LYPLAL1: variants seen among roughly 807,000 people sequenced by gnomAD.
The protein encoded by LYPLAL1 is lysophospholipase like 1.
Under a neutral mutation model 19.7 loss-of-function variants are expected in LYPLAL1, and 23 were observed. The ratio of observed to expected loss-of-function variants is 1.17; its 90% CI spans 0.84 to 1.65. LYPLAL1 has a LOEUF of 1.65. LYPLAL1 is among the 40% of genes most tolerant of loss of function. LYPLAL1 has a pLI of 0.00. For synonymous variants in LYPLAL1, 119 were observed against 96.3 expected (o/e 1.24, Z -1.38); for missense variants, 355 against 279.4 (o/e 1.27, Z -1.93).
At chr1:219,288,216 A>G in the LYPLAL1 span, among the ~76,000 whole-genome samples, 1 of 152,214 alleles carries the variant, frequency 6.6e-6, no homozygotes, top group Admixed American at 6.5e-5. Context: ...GAAGCAACCA[A>G]GATGTTCTTC....
intron 2 of LYPLAL1, among the ~76,000 whole-genome samples, chr1:219,184,592 G>A (rs1181143131): frequency 2.0e-5 from 3 of 151,728 alleles, no homozygotes; most frequent in African/African-American, 7.3e-5. Flanking sequence ...AGGGTTTTTT[G>A]TATATATGCC....
At chr1:219,184,264 A>G (rs952344745) in intron 2 of LYPLAL1, among the ~76,000 whole-genome samples, 7 of 151,858 alleles carry the variant, frequency 4.6e-5, no homozygotes, top group Admixed American at 6.6e-5. Flanking sequence ...AAATTTATCT[A>G]CAAGTATTCT....
intron 3 of LYPLAL1, among the ~76,000 whole-genome samples, chr1:219,194,266 A>T (rs1039878015): frequency 6.6e-6 from 1 of 151,962 alleles, no homozygotes; most frequent in Admixed American, 6.6e-5. Context: ...TAATAGAGAT[A>T]AACATGGAGC....
Position 219,211,606 on chromosome 1 carries a change from G to C in LYPLAL1, c.592G>C (p.Gly198Arg). Residue 198 changes from glycine (G) to arginine (R), a missense_variant, in exon 5 of 5, where the codon GGA becomes CGA. Coordinates refer to ENST00000366928, the MANE Select transcript of LYPLAL1 (RefSeq NM_138794.5). ...EETNSMLKSL[G>R]VTTKFHSFPN... ...GACAAACTCAATGTTAAAATCTCTA[G>C]GAGTGACCACGAAGTTTCATAGTTT... 6.2e-7 allele frequency: 1 copy of C among 1,613,348 alleles called. No individual in the cohort carries two copies. Among genetic ancestry groups the C allele is most frequent in the Non-Finnish European group, 8.5e-7 (1 of 1,179,520 alleles).
At chr1:219,388,116 C>G in the LYPLAL1 span, among the ~76,000 whole-genome samples, 6 of 152,192 alleles carry the variant, frequency 3.9e-5, no homozygotes, top group African/African-American at 1.4e-4. Flanking sequence ...AGCTCCATAT[C>G]ATGTCTACCT....
At chr1:219,200,615 C>T in intron 3 of LYPLAL1, 1 of 186,090 alleles carries the variant, frequency 5.4e-6, no homozygotes, top group Non-Finnish European at 1.1e-5. Flanking sequence ...GCCTTCAGTG[C>T]TCACAAGATC....
At chr1:219,356,798 A>C in the LYPLAL1 span, among the ~76,000 whole-genome samples, 1 of 152,238 alleles carries the variant, frequency 6.6e-6, no homozygotes, top group Non-Finnish European at 1.5e-5. Context: ...GAACTTTTTA[A>C]AAACTAATTA....
the LYPLAL1 span, among the ~76,000 whole-genome samples, chr1:219,439,542 A>T: frequency 1.3e-5 from 2 of 152,216 alleles, no homozygotes; most frequent in Non-Finnish European, 2.9e-5. Flanking sequence ...CTTTTCAAGG[A>T]AATGTGCAAA....
At chr1:219,245,976 G>C in the LYPLAL1 span, among the ~76,000 whole-genome samples, 1 of 152,140 alleles carries the variant, frequency 6.6e-6, no homozygotes, top group African/African-American at 2.4e-5. Flanking sequence ...TCTGTGTGTC[G>C]GGGGATGTGG....
chr1:219,183,216 T>G (rs1313529103), intron 2 of LYPLAL1, among the ~76,000 whole-genome samples: 1 of 152,106 alleles, frequency 6.6e-6, no homozygotes, highest in East Asian at 1.9e-4. Flanking sequence ...ATGTGCTTAT[T>G]GAGCATTTAA....
At chr1:219,417,196 T>C in the LYPLAL1 span, among the ~76,000 whole-genome samples, 1 of 152,072 alleles carries the variant, frequency 6.6e-6, no homozygotes, top group Non-Finnish European at 1.5e-5. Context: ...CTACATACAT[T>C]ATTTGGAATT....
chr1:219,277,088 A>G, the LYPLAL1 span, among the ~76,000 whole-genome samples: 3 of 152,178 alleles, frequency 2.0e-5, no homozygotes, highest in African/African-American at 7.2e-5. Flanking sequence ...AAACAAATCT[A>G]ATATCTAGAA....
the LYPLAL1 span, among the ~76,000 whole-genome samples, chr1:219,250,050 T>G: frequency 3.3e-5 from 5 of 152,000 alleles, no homozygotes; most frequent in South Asian, 2.1e-4. Context: ...AATTTTCTTG[T>G]TTATGTTTAG....
At chr1:219,370,387 T>C in the LYPLAL1 span, among the ~76,000 whole-genome samples, 3 of 152,158 alleles carry the variant, frequency 2.0e-5, no homozygotes, top group Non-Finnish European at 2.9e-5. Flanking sequence ...TTTATCCCCT[T>C]TTCTTCCACA....
the LYPLAL1 span, among the ~76,000 whole-genome samples, chr1:219,406,585 G>A: frequency 1.3e-5 from 2 of 152,112 alleles, no homozygotes; most frequent in African/African-American, 4.8e-5. Flanking sequence ...CGAACATTCT[G>A]ATATTTTTCT....
rs943831819 is a variant in LYPLAL1 at position 219,176,779 on chromosome 1, C to A, written c.92-2368C>A. ...GAATTTCTGTGGAGATTCATAGATT[C>A]TATTTTTGAGCTCTAGACAAGTTCA... On this transcript the variant is annotated intron_variant, in intron 1 of 4. Coordinates refer to ENST00000366928, the MANE Select transcript of LYPLAL1 (RefSeq NM_138794.5). Among the ~76,000 whole-genome samples, 12 of 152,234 alleles carry A rather than the reference C, an allele frequency of 7.9e-5. No individual in the cohort carries two copies. The East Asian group carries it at 2.1e-3, about 27-fold the overall frequency.
At chr1:219,178,696 CT>C (rs1452335258) in intron 1 of LYPLAL1, among the ~76,000 whole-genome samples, 1 of 151,964 alleles carries the variant, frequency 6.6e-6, no homozygotes, top group East Asian at 1.9e-4. Flanking sequence ...ACATTTTGGA[CT>C]TTTTTTAACC....
At chr1:219,270,645 A>T in the LYPLAL1 span, 1 of 152,200 alleles carries the variant, frequency 6.6e-6, no homozygotes, top group Admixed American at 6.5e-5. Context: ...CCTGGCTTCC[A>T]GGTAGCTCTT....
the LYPLAL1 span, among the ~76,000 whole-genome samples, chr1:219,386,112 C>T: frequency 6.6e-6 from 1 of 152,128 alleles, no homozygotes; most frequent in East Asian, 1.9e-4. Context: ...AGAGGGGAGA[C>T]GGCAGAGCTT....
Sources: allele counts gnomAD v4.1 joint callset (sites outside exome capture counted in the v4.1 genomes callset), GRCh38; gene constraint gnomAD v4.1.1; transcripts MANE v1.5; gene names NCBI Gene and HGNC (gene_info 2026-07-23, HGNC 2026-07-21).